The following RILPL1 variants were observed in gnomAD, a reference collection of about 807,000 sequenced individuals.
RILPL1 encodes Rab interacting lysosomal protein like 1, also known as RILP-like protein 1.
A neutral mutation model predicts 50.3 loss-of-function variants in RILPL1; 33 were observed. The ratio of observed to expected loss-of-function variants is 0.66; its 90% CI spans 0.50 to 0.88. The LOEUF (loss-of-function observed/expected upper bound fraction) is 0.88. RILPL1 is among the 40% of genes least tolerant of loss of function. The pLI is 0.00. For synonymous variants in RILPL1, 205 were observed against 228.6 expected (o/e 0.90, Z 0.93); for missense variants, 418 against 542.5 (o/e 0.77, Z 2.28).
rs1304290182 is a variant in RILPL1, at chr12:123,489,898, T to C, written c.802-4093A>G. 6.6e-6 allele frequency among the ~76,000 whole-genome samples: 1 copy of C among 152,182 alleles called. No individual in the cohort carries two copies. Among genetic ancestry groups the C allele is most frequent in the Non-Finnish European group, 1.5e-5 (1 of 68,034 alleles). On this transcript the variant is annotated intron_variant, in intron 4 of 6. Transcript: ENST00000376874. The surrounding 1 kb of genome is among the most constrained non-coding windows in gnomAD (Gnocchi z 4.0). ...GCCTTCACTGTGTTCTAAAACTCTG[T>C]TGAATTAGCTGCGAACTCTTTAAGA... is the stretch of plus-strand genomic sequence containing the variant.
At chr12:123,483,455 T>C (rs1284777741) in intron 6 of RILPL1, among the ~76,000 whole-genome samples, 1 of 152,242 alleles carries the variant, frequency 6.6e-6, no homozygotes. Flanking sequence ...AGCTTCTTAG[T>C]AGATACTGTC....
Position 123,472,584 on chromosome 12 carries a change from T to G in RILPL1, c.1166A>C (p.Asp389Ala). The G allele has an allele frequency of 6.4e-7, 1 of 1,558,424 alleles. No individual in the cohort carries two copies. Among genetic ancestry groups the G allele is most frequent in the Non-Finnish European group, 8.7e-7 (1 of 1,150,586 alleles). ...CTGTCCTTGCTCTGTGTAACCGTCA[T>G]CGCGGTGGGTGTTTGCCCACTGTCC... ...SFGQWANTHR[D>A]DGYTEQGQEA... is the part of the protein sequence containing the mutation. Residue 389 changes from aspartate to alanine, a missense_variant, in exon 7 of 7, where the codon GAT (aspartate) becomes GCT (alanine). Physicochemically the swap from Asp to Ala is moderately radical, Grantham distance 126 (BLOSUM62 -2). Coordinates refer to ENST00000376874, the MANE Select transcript of RILPL1 (RefSeq NM_178314.5).
At chr12:123,532,572 G>A (rs1885470623) in intron 1 of RILPL1, among the ~76,000 whole-genome samples, 1 of 152,046 alleles carries the variant, frequency 6.6e-6, no homozygotes, top group Admixed American at 6.6e-5. Context: ...AAAATCAGAG[G>A]AGAGAACACG....
At position 123,524,642 on chromosome 12, in the gene RILPL1, CTGAAAACATTAT is replaced by C. The variant is rs1185916154; in HGVS notation, c.310-1009_310-998del. On this transcript the variant is annotated intron_variant, in intron 1 of 6. Coordinates refer to ENST00000376874, the MANE Select transcript of RILPL1 (RefSeq NM_178314.5). ...ACATATGCTACAACATAGGTGGACC[CTGAAAACATTAT>C]GGAAAGAAGCCAGACACAAAAGGTC... Among the ~76,000 whole-genome samples the C allele has an allele frequency of 3.9e-5, 6 of 152,020 alleles. No homozygotes were observed. In the South Asian group the frequency reaches 1.2e-3, roughly 31 times the overall value.
intron 2 of RILPL1, among the ~76,000 whole-genome samples, chr12:123,514,658 T>C (rs1336948345): frequency 1.3e-5 from 2 of 152,014 alleles, no homozygotes; most frequent in African/African-American, 2.4e-5. Context: ...ACTCCTGACC[T>C]GAAGTGATCC....
intron 2 of RILPL1, among the ~76,000 whole-genome samples, chr12:123,516,563 G>A (rs1884707538): frequency 6.6e-6 from 1 of 152,198 alleles, no homozygotes; most frequent in Non-Finnish European, 1.5e-5. Context: ...GGGAATCCCT[G>A]TCTCAGATTC....
intron 2 of RILPL1, among the ~76,000 whole-genome samples, chr12:123,504,996 A>G (rs575255525): frequency 6.8e-4 from 104 of 152,066 alleles, no homozygotes; most frequent in African/African-American, 2.4e-3. Context: ...ATATTTTTGC[A>G]TATGTGTACC....
chr12:123,475,444 C>G (rs763064666), intron 6 of RILPL1: 1 of 565,086 alleles, frequency 1.8e-6, no homozygotes, highest in African/African-American at 1.9e-5. Context: ...AAAGAATTAT[C>G]GGTGACAGAG....
At chr12:123,521,896 C>G (rs1359127244) in intron 2 of RILPL1, among the ~76,000 whole-genome samples, 2 of 151,832 alleles carry the variant, frequency 1.3e-5, no homozygotes, top group Non-Finnish European at 2.9e-5. Context: ...CCTCAGCCTC[C>G]TGAGTAGCTG....
At chr12:123,480,631 A>G (rs1881908070) in intron 6 of RILPL1, among the ~76,000 whole-genome samples, 1 of 152,010 alleles carries the variant, frequency 6.6e-6, no homozygotes, top group South Asian at 2.1e-4. Flanking sequence ...CATACAAGAT[A>G]GATTCTGCTC....
chr12:123,531,686 T>A (rs895717442), intron 1 of RILPL1, among the ~76,000 whole-genome samples: 1 of 152,206 alleles, frequency 6.6e-6, no homozygotes, highest in African/African-American at 2.4e-5. Flanking sequence ...ACACTTTATA[T>A]GTATTTATAT....
intron 3 of RILPL1, 93 bp downstream of exon 3, chr12:123,499,325 G>A (rs1883221630): frequency 2.4e-6 from 2 of 822,144 alleles, no homozygotes; most frequent in Admixed American, 2.0e-5. Context: ...ATGAGAGTGA[G>A]GGAGAGAAGG....
chr12:123,488,176 C>T (rs918633270), intron 4 of RILPL1, among the ~76,000 whole-genome samples: 7 of 152,220 alleles, frequency 4.6e-5, no homozygotes, highest in Middle Eastern at 3.4e-3. Flanking sequence ...CCGTGGCTCA[C>T]ACTCCTAATT....
At chr12:123,504,065 C>A (rs1374048725) in intron 2 of RILPL1, among the ~76,000 whole-genome samples, 2 of 151,274 alleles carry the variant, frequency 1.3e-5, no homozygotes, top group African/African-American at 4.9e-5. Context: ...ATTACCACAT[C>A]AGGTGACATC....
intron 2 of RILPL1, among the ~76,000 whole-genome samples, chr12:123,508,945 G>A (rs1485910095): frequency 1.3e-5 from 2 of 152,062 alleles, no homozygotes; most frequent in Non-Finnish European, 2.9e-5. Context: ...CAGCACTTTG[G>A]GAAGCTGAGG....
At position 123,518,191 on chromosome 12, in the gene RILPL1, T is replaced by C. The variant is rs571628227; in HGVS notation, c.460+5304A>G. ...AGACTGTGAATGTACTTAATGCCTC[T>C]GAACTGTACACTTAAAAATGATTAA... On this transcript the variant is annotated intron_variant, in intron 2 of 6. Transcript: ENST00000376874. 2.6e-5 allele frequency among the ~76,000 whole-genome samples: 4 copies of C among 152,246 alleles called. No homozygotes were observed. The South Asian group carries it at 8.3e-4, about 32-fold the overall frequency.
chr12:123,484,143 G>A (rs1030432537), intron 6 of RILPL1, 37 bp downstream of exon 6: 4 of 1,414,694 alleles, frequency 2.8e-6, no homozygotes, highest in Non-Finnish European at 4.0e-6. Context: ...GAACCGCCAG[G>A]TCAGCCGAGC....
intron 2 of RILPL1, among the ~76,000 whole-genome samples, chr12:123,512,616 CTG>C (rs1393322360): frequency 3.1e-5 from 3 of 96,066 alleles, no homozygotes; most frequent in East Asian, 3.5e-4. Context: ...TGTGTGAGGT[CTG>C]TGTCTGTGTG....
chr12:123,510,539 G>A (rs1884037981), intron 2 of RILPL1, among the ~76,000 whole-genome samples: 1 of 125,762 alleles, frequency 8.0e-6, no homozygotes, highest in South Asian at 2.5e-4. Flanking sequence ...TGTGAGGTCT[G>A]TGTGTGGTGT....
Sources: gnomAD v4.1 joint callset for allele counts (sites outside exome capture counted in the v4.1 genomes callset) on GRCh38, gnomAD v4.1.1 for gene constraint, Gnocchi (gnomAD v3.1) non-coding constraint, MANE v1.5 for transcripts, NCBI Gene and HGNC (gene_info 2026-07-23, HGNC 2026-07-21) for gene names.